The following RGS6 variants were observed in gnomAD, a reference collection of about 807,000 sequenced individuals.
The protein encoded by RGS6 is regulator of G protein signaling 6, also known as regulator of G-protein signaling 6.
RGS6 carries 30 observed loss-of-function variants against 78.5 expected under a neutral mutation model. That is an observed-to-expected ratio of 0.38 (90% CI 0.29 to 0.52). RGS6 has a LOEUF of 0.52. Among genes scored for constraint, RGS6 ranks in the 20% least tolerant of loss-of-function variants. RGS6 has a pLI of 0.85. For missense variants in RGS6, 495 were observed against 609.7 expected (o/e 0.81, Z 1.98); for synonymous variants, 206 against 206.0 (o/e 1.00, Z 0.00).
chr14:72,249,273 A>G (rs1242651077), intron 2 of RGS6, among the ~76,000 whole-genome samples: 3 of 152,246 alleles, frequency 2.0e-5, no homozygotes, highest in Non-Finnish European at 2.9e-5. Context: ...GAAAAGCATC[A>G]TAAACAAAAC....
At chr14:72,547,177 T>C in intron 17 of RGS6, 1 of 1,534,858 alleles carries the variant, frequency 6.5e-7, no homozygotes, top group Non-Finnish European at 8.7e-7. Flanking sequence ...GCCTCAGTCC[T>C]GTCCGGGGAG....
chr14:71,992,923 G>A (rs1381373525), intron 2 of RGS6, among the ~76,000 whole-genome samples: 3 of 152,222 alleles, frequency 2.0e-5, no homozygotes, highest in African/African-American at 4.8e-5. Flanking sequence ...TCTGATGCAT[G>A]TTCTTTCTCC....
intron 2 of RGS6, among the ~76,000 whole-genome samples, chr14:71,985,985 T>C (rs1165841453): frequency 6.6e-6 from 1 of 152,194 alleles, no homozygotes; most frequent in Non-Finnish European, 1.5e-5. Context: ...AAAAGCACAG[T>C]TCTGAGAAGC....
chr14:72,225,652 A>T (rs887652339), intron 2 of RGS6, among the ~76,000 whole-genome samples: 3 of 152,174 alleles, frequency 2.0e-5, no homozygotes, highest in Non-Finnish European at 2.9e-5. Context: ...TTTAGGAAAA[A>T]GAAAAATCAA....
intron 2 of RGS6, among the ~76,000 whole-genome samples, chr14:72,126,396 A>G (rs1423042451): frequency 6.6e-6 from 1 of 152,212 alleles, no homozygotes; most frequent in African/African-American, 2.4e-5. Flanking sequence ...ACCTCTCCCC[A>G]CCATCTCTAG....
At chr14:72,556,690 C>CGGGGAGGGG (rs2097581716) in intron 17 of RGS6, among the ~76,000 whole-genome samples, 1 of 5,912 alleles carries the variant, frequency 1.7e-4, no homozygotes, top group Non-Finnish European at 3.1e-4. Flanking sequence ...GTCGGGGGGG[C>CGGGGAGGGG]GGGGTGGGGG....
At chr14:72,441,803 G>A (rs777764169) in intron 3 of RGS6, among the ~76,000 whole-genome samples, 11 of 152,222 alleles carry the variant, frequency 7.2e-5, no homozygotes, top group Non-Finnish European at 1.5e-4. Flanking sequence ...AATGATGATG[G>A]TGCACCATCG....
intron 2 of RGS6, among the ~76,000 whole-genome samples, chr14:72,066,211 T>C (rs1432526747): frequency 6.6e-6 from 1 of 152,170 alleles, no homozygotes; most frequent in Non-Finnish European, 1.5e-5. Flanking sequence ...CTTTTGTGGT[T>C]TGACTGTGGG....
intron 3 of RGS6, among the ~76,000 whole-genome samples, chr14:72,453,178 C>A (rs2095538393): frequency 6.6e-6 from 1 of 152,070 alleles, no homozygotes; most frequent in Non-Finnish European, 1.5e-5. Flanking sequence ...TAAATCAAGG[C>A]TGATTTAACT....
intron 3 of RGS6, among the ~76,000 whole-genome samples, chr14:72,442,584 C>T (rs1352522262): frequency 6.6e-6 from 1 of 152,178 alleles, no homozygotes; most frequent in Non-Finnish European, 1.5e-5. Flanking sequence ...ATGTTCAAGT[C>T]GTAATAACGG....
At chr14:71,972,321 C>T (rs1158679094) in intron 2 of RGS6, among the ~76,000 whole-genome samples, 1 of 146,934 alleles carries the variant, frequency 6.8e-6, no homozygotes, top group Non-Finnish European at 1.5e-5. Flanking sequence ...AGCTCTACTT[C>T]TACTAGCCAG....
intron 2 of RGS6, among the ~76,000 whole-genome samples, chr14:72,150,513 A>G (rs2096668683): frequency 6.6e-6 from 1 of 152,084 alleles, no homozygotes; most frequent in Non-Finnish European, 1.5e-5. Context: ...AAATTACCTG[A>G]GACTGGGTAA....
At position 72,564,296 on chromosome 14, in the gene RGS6, A is replaced by C. The variant is rs1262314014; in HGVS notation, c.*1829A>C. The C allele has an allele frequency of 6.6e-6, 1 of 152,218 alleles. No individual in the cohort carries two copies. Among genetic ancestry groups the C allele is most frequent in the South Asian group, 2.1e-4 (1 of 4,834 alleles). The allele number at this position is 152,218 out of a possible 1,614,324, so 9.4% of individuals were successfully genotyped here. A position where few individuals can be genotyped will look rare whatever the true frequency, so the allele number is the denominator to read the frequency against. On this transcript the variant is annotated 3_prime_UTR_variant, in exon 18 of 18. Coordinates refer to ENST00000553525, the MANE Select transcript of RGS6 (RefSeq NM_001204424.2). The stretch of plus-strand genomic sequence containing the variant: ...GAGAGATGACAGATGTTGAGTCCTC[A>C]GTGTCTCAGAGGCAGCAATTCTTGC...
chr14:72,120,264 C>T (rs1038024789), intron 2 of RGS6, among the ~76,000 whole-genome samples: 1 of 152,092 alleles, frequency 6.6e-6, no homozygotes, highest in Non-Finnish European at 1.5e-5. Flanking sequence ...AGGTAGTTTC[C>T]AAATATTGTT....
At chr14:71,884,425 T>TG in the RGS6 span, among the ~76,000 whole-genome samples, 42 of 152,280 alleles carry the variant, frequency 2.8e-4, 1 homozygote, top group South Asian at 8.5e-3. Flanking sequence ...TATTTGGAGT[T>TG]GGGGGGTATA....
chr14:72,451,115 A>G (rs1177232125), intron 3 of RGS6, among the ~76,000 whole-genome samples: 1 of 152,132 alleles, frequency 6.6e-6, no homozygotes, highest in Non-Finnish European at 1.5e-5. Flanking sequence ...AAGCATTGCC[A>G]TGGCATGGAA....
intron 2 of RGS6, among the ~76,000 whole-genome samples, chr14:72,263,009 G>T (rs1382607563): frequency 6.6e-6 from 1 of 152,084 alleles, no homozygotes; most frequent in Non-Finnish European, 1.5e-5. Flanking sequence ...TCTCCCAAGA[G>T]TCAACTCTGA....
chr14:72,062,870 G>C (rs759692650), intron 2 of RGS6, among the ~76,000 whole-genome samples: 1 of 152,056 alleles, frequency 6.6e-6, no homozygotes, highest in Non-Finnish European at 1.5e-5. Context: ...TCTGTCATCC[G>C]GGCTAGAGTA....
At chr14:72,302,594 A>G (rs2066322463) in intron 2 of RGS6, among the ~76,000 whole-genome samples, 1 of 152,188 alleles carries the variant, frequency 6.6e-6, no homozygotes, top group Non-Finnish European at 1.5e-5. Flanking sequence ...CAGAACCTGC[A>G]TCATTATTGA....
Sources: gnomAD v4.1 joint callset for allele counts (sites outside exome capture counted in the v4.1 genomes callset) on GRCh38, gnomAD v4.1.1 for gene constraint, MANE v1.5 for transcripts, NCBI Gene and HGNC (gene_info 2026-07-23, HGNC 2026-07-21) for gene names.